Variants in NEDD1 observed in about 807,000 individuals in gnomAD.
NEDD1 encodes protein NEDD1.
In NEDD1, 33 loss-of-function variants were observed where a neutral mutation model predicts 74.0. That is an observed-to-expected ratio of 0.45 (90% CI 0.34 to 0.60). NEDD1 has a LOEUF of 0.60. Among genes scored for constraint, NEDD1 ranks in the 20% least tolerant of loss-of-function variants. The probability of loss-of-function intolerance (pLI) is 0.01; values close to 1 mark genes in which losing one functional copy is unlikely to be tolerated. For missense variants in NEDD1, 746 were observed against 776.5 expected, an observed-to-expected ratio of 0.96 and a Z score of 0.47; for synonymous variants, 250 against 264.4, an observed-to-expected ratio of 0.95 and a Z score of 0.53.
Position 96,942,718 on chromosome 12 carries a change from A to G in NEDD1, c.1294+94A>G, listed in dbSNP as rs569371310. 1.4e-5 allele frequency: 10 copies of G among 701,952 alleles called. No homozygotes were observed. The African/African-American group carries it at 1.6e-4, about 11-fold the overall frequency. The allele number at this position is 701,952 out of a possible 1,614,324, so 43.5% of individuals were successfully genotyped here. A position where few individuals can be genotyped will look rare whatever the true frequency, so the allele number is the denominator to read the frequency against. ...ATCTCTCCAACACTTTGAGGCTTAA[A>G]AAAATAAACATTTATCGTCTCATAA... On this transcript the variant is annotated intron_variant, in intron 11 of 15. Transcript: ENST00000266742.
At chr12:96,948,175 C>G (rs1188749963) in intron 14 of NEDD1, among the ~76,000 whole-genome samples, 1 of 152,098 alleles carries the variant, frequency 6.6e-6, no homozygotes, top group Admixed American at 6.6e-5. Context: ...CTCTGCTGCC[C>G]TAAGGTTTCA....
chr12:96,929,210 A>G (rs1052539580), intron 6 of NEDD1, among the ~76,000 whole-genome samples: 5 of 151,532 alleles, frequency 3.3e-5, no homozygotes, highest in Non-Finnish European at 5.9e-5. Flanking sequence ...TCTTTAAGGT[A>G]TTGTCTGTTG....
intron 9 of NEDD1, among the ~76,000 whole-genome samples, chr12:96,939,772 ATTG>A (rs1311280875): frequency 1.3e-5 from 2 of 151,878 alleles, no homozygotes; most frequent in African/African-American, 4.8e-5. Context: ...CCGTCTCTTT[ATTG>A]TTGTCTACCT....
chr12:96,949,544 T>C (rs984097540), intron 14 of NEDD1, among the ~76,000 whole-genome samples: 3 of 151,940 alleles, frequency 2.0e-5, no homozygotes, highest in African/African-American at 7.3e-5. Context: ...TGGAAGAAGA[T>C]GATGAAGTGA....
Position 96,952,096 on chromosome 12 carries a change from C to A in NEDD1, c.*43C>A. 1 of 1,056,264 alleles carries A rather than the reference C, an allele frequency of 9.5e-7. No individual in the cohort carries two copies. Among genetic ancestry groups the A allele is most frequent in the Non-Finnish European group, 1.5e-6 (1 of 679,734 alleles). 65.4% of individuals were successfully genotyped at this position (1,056,264 alleles called of 1,614,324 possible). ...TAATGTTCTGTAATTTGGGAAGTTT[C>A]TGGCAACACAGAACTACATAGAATC... On this transcript the variant is annotated 3_prime_UTR_variant, in exon 16 of 16. Coordinates refer to ENST00000266742, the MANE Select transcript of NEDD1 (RefSeq NM_152905.4).
chr12:96,926,572 G>GT (rs1396983823), intron 6 of NEDD1, among the ~76,000 whole-genome samples: 1 of 148,514 alleles, frequency 6.7e-6, no homozygotes, highest in Non-Finnish European at 1.5e-5. Flanking sequence ...TTTCAAATTA[G>GT]TTTTTTTTCC....
rs902390533 is a variant in NEDD1 at position 96,923,784 on chromosome 12, CTGTTTGTGTGTG to C, written c.489+3663_489+3674del. 1.4e-4 allele frequency among the ~76,000 whole-genome samples: 10 copies of C among 71,376 alleles called. No individual in the cohort carries two copies. In the East Asian group the frequency reaches 4.1e-3, roughly 29 times the overall value. 46.8% of individuals were successfully genotyped at this position (71,376 alleles called of 152,430 possible). ...GGCTTGCTGTTTTACTCCTTAATAC[CTGTTTGTGTGTG>C]TGTGTGTGTGTGTGTGTGTGTGTGT... On this transcript the variant is annotated intron_variant, in intron 6 of 15. Transcript: ENST00000266742.
intron 10 of NEDD1, 69 bp from the exon 11 acceptor site, chr12:96,942,508 A>AT: frequency 1.3e-6 from 1 of 788,350 alleles, no homozygotes; most frequent in East Asian, 2.4e-5. Flanking sequence ...TGGGGAATGA[A>AT]TAAGAAGCCT....
chr12:96,942,438 TCTC>T, intron 10 of NEDD1, 136 bp from the exon 11 acceptor site: 1 of 624,608 alleles, frequency 1.6e-6, no homozygotes, highest in South Asian at 2.0e-5. Flanking sequence ...AAATCAGTAT[TCTC>T]CTACCTTTAA....
intron 5 of NEDD1, 100 bp downstream of exon 5, chr12:96,917,837 G>C (rs565301450): frequency 7.6e-7 from 1 of 1,317,862 alleles, no homozygotes; most frequent in East Asian, 2.8e-5. Context: ...ATAAAAATAA[G>C]AGGCTTCAGA....
At chr12:96,931,683 A>G (rs755915934) in intron 6 of NEDD1, among the ~76,000 whole-genome samples, 11 of 152,204 alleles carry the variant, frequency 7.2e-5, no homozygotes, top group Non-Finnish European at 1.3e-4. Context: ...GTAAATTAGT[A>G]TACTCATGCA....
intron 6 of NEDD1, among the ~76,000 whole-genome samples, chr12:96,924,578 T>A (rs1875485789): frequency 6.6e-6 from 1 of 152,174 alleles, no homozygotes; most frequent in South Asian, 2.1e-4. Context: ...TCTAATTGCA[T>A]TTTTTGTTAA....
intron 14 of NEDD1, among the ~76,000 whole-genome samples, chr12:96,946,400 A>G (rs537679997): frequency 6.6e-6 from 1 of 152,260 alleles, no homozygotes; most frequent in East Asian, 1.9e-4. Flanking sequence ...TTTGGAAGCT[A>G]TCTTCAATTA....
At chr12:96,941,975 C>T (rs918312057) in intron 10 of NEDD1, among the ~76,000 whole-genome samples, 1 of 151,920 alleles carries the variant, frequency 6.6e-6, no homozygotes, top group Admixed American at 6.6e-5. Flanking sequence ...CTAGTAAATT[C>T]GTTAATGACT....
At chr12:96,936,360 G>T (rs1877087640) in intron 7 of NEDD1, among the ~76,000 whole-genome samples, 1 of 149,616 alleles carries the variant, frequency 6.7e-6, no homozygotes, top group East Asian at 2.0e-4. Flanking sequence ...TCTATAAGAT[G>T]CAGAATGTAC....
rs1056483292 is a variant in NEDD1 at position 96,907,869 on chromosome 12, A to G, written c.-9+13A>G. 5.9e-6 allele frequency: 8 copies of G among 1,346,912 alleles called. No individual in the cohort carries two copies. The highest frequency in any genetic ancestry group is 7.6e-6 in the Non-Finnish European group (8 of 1,046,886). 83.4% of individuals were successfully genotyped at this position (1,346,912 alleles called of 1,614,324 possible). ...TTAGAAGACCGAGGTAGGTGGGCAG[A>G]TGGTCCTCTTCCCCGCCCCGCTTTA... On this transcript the variant is annotated intron_variant, in intron 2 of 15. Coordinates refer to ENST00000266742, the MANE Select transcript of NEDD1 (RefSeq NM_152905.4).
chr12:96,940,399 T>C lies in NEDD1; in HGVS notation c.1118-10T>C. 1.0e-5 allele frequency: 16 copies of C among 1,536,918 alleles called. No homozygotes were observed. Among genetic ancestry groups the C allele is most frequent in the Non-Finnish European group, 1.4e-5 (16 of 1,125,462 alleles). ...TAATAACATTGATTTTTATATCTAATTCCTATAAGGTTTGCCTCGAAGCAT... is the reference window on the plus strand; with the variant it reads ...TAATAACATTGATTTTTATATCTAACTCCTATAAGGTTTGCCTCGAAGCAT... On this transcript the variant is annotated splice_polypyrimidine_tract_variant and intron_variant, in intron 9 of 15. Transcript: ENST00000266742.
chr12:96,908,842 ACT>A (rs1873596713), intron 2 of NEDD1, among the ~76,000 whole-genome samples: 1 of 152,118 alleles, frequency 6.6e-6, no homozygotes, highest in Admixed American at 6.6e-5. Flanking sequence ...ATGTTTCAAG[ACT>A]CTGGTGTGGG....
At chr12:96,950,230 C>T (rs1022540897) in intron 14 of NEDD1, among the ~76,000 whole-genome samples, 7 of 151,880 alleles carry the variant, frequency 4.6e-5, no homozygotes, top group African/African-American at 1.2e-4. Flanking sequence ...AATGAGATAC[C>T]GTGTCACACC....
Sources: gnomAD v4.1 joint callset for allele counts (sites outside exome capture counted in the v4.1 genomes callset) on GRCh38, gnomAD v4.1.1 for gene constraint, MANE v1.5 for transcripts, NCBI Gene and HGNC (gene_info 2026-07-23, HGNC 2026-07-21) for gene names.